Variants in CHD4 observed in about 807,000 individuals in gnomAD.
CHD4 encodes ATP-dependent chromatin remodeler CHD4.
A neutral mutation model predicts 235.5 loss-of-function variants in CHD4; 35 were observed. The ratio of observed to expected loss-of-function variants is 0.15; its 90% CI spans 0.11 to 0.20. CHD4 has a LOEUF of 0.20. Among genes scored for constraint, CHD4 ranks in the 10% least tolerant of loss-of-function variants. CHD4 has a pLI of 1.00. For synonymous variants in CHD4, 900 were observed against 850.2 expected (o/e 1.06, Z -1.02); for missense variants, 1,329 against 2,432.3 (o/e 0.55, Z 9.54).
chr12:6,582,237 GC>G lies in CHD4; in HGVS notation c.4414del (p.Ala1472GlnfsTer30). 1.2e-6 allele frequency: 2 copies of G among 1,600,278 alleles called. No individual in the cohort carries two copies. The highest frequency in any genetic ancestry group is 3.6e-5 in the Admixed American group (2 of 56,246). ...LFMRHLCEPG[A>X]DGAETFADGV... ...ATCAGCAAAGGTCTCAGCCCCATCTGCCCCCGGCTCACATAAATGCCGCATG... is the reference window on the plus strand; with the variant it reads ...ATCAGCAAAGGTCTCAGCCCCATCTGCCCCGGCTCACATAAATGCCGCATG... On this transcript the variant is annotated frameshift_variant, in exon 30 of 40. Transcript: ENST00000544040. LOFTEE classifies it high-confidence loss of function.
intron 32 of CHD4, 36 bp from the exon 33 acceptor site, chr12:6,581,209 A>G: frequency 6.2e-7 from 1 of 1,611,640 alleles, no homozygotes; most frequent in South Asian, 1.1e-5. Flanking sequence ...AAAACAGATG[A>G]AGCAGACAGG....
chr12:6,592,108 C>G (rs9630275), intron 19 of CHD4, 51 bp from the exon 20 acceptor site: 1 of 1,604,940 alleles, frequency 6.2e-7, no homozygotes, highest in Admixed American at 1.7e-5. Context: ...CTTTCAATGA[C>G]TAATAATGCA....
intron 2 of CHD4, among the ~76,000 whole-genome samples, chr12:6,605,940 C>T (rs1592286936): frequency 6.6e-6 from 1 of 152,214 alleles, no homozygotes; most frequent in Non-Finnish European, 1.5e-5. Flanking sequence ...ACCACCACCA[C>T]CACAAGCCTC....
At position 6,598,387 on chromosome 12, in the gene CHD4, G is replaced by A; in HGVS notation, c.1521C>T (p.Ile507=). 3 of 1,613,260 alleles carry A rather than the reference G, an allele frequency of 1.9e-6. No homozygotes were observed. Among genetic ancestry groups the A allele is most frequent in the Non-Finnish European group, 2.5e-6 (3 of 1,179,560 alleles). The change falls in exon 11 of 40, where the codon ATC becomes ATT. Residue 507 remains isoleucine (I), a synonymous_variant. Transcript: ENST00000544040. The part of the protein sequence containing the change: ...ALKGKVQKIL[I]WKWGQPPSPT... ...GAGATGGTGGCTGACCCCACTTCCA[G>A]ATTAGGATCTTCTGCACTTTGCCCT...
chr12:6,593,081 C>G lies in CHD4; in HGVS notation c.2652+10G>C, dbSNP rs1948429284. The G allele has an allele frequency of 6.2e-7, 1 of 1,613,404 alleles. No homozygotes were observed. The highest frequency in any genetic ancestry group is 8.5e-7 in the Non-Finnish European group (1 of 1,179,910). On this transcript the variant is annotated intron_variant, in intron 17 of 39. Coordinates refer to ENST00000544040, the MANE Select transcript of CHD4 (RefSeq NM_001273.5). The surrounding 1 kb of genome is among the most constrained non-coding windows in gnomAD (Gnocchi z 4.9). ...AGTGGGGGCTCCAACATCCCTCCCT[C>G]AGCCCTCACCTTAGACTGATTGTTC...
In CHD4 at chr12:6,588,267, CTTA is replaced by C. The variant is rs781416352; in HGVS notation, c.3465+28_3465+30del. On this transcript the variant is annotated intron_variant, in intron 23 of 39. Coordinates refer to ENST00000544040, the MANE Select transcript of CHD4 (RefSeq NM_001273.5). ...TATGCCTTTCTAGCATAACATGTTACTTATTAAGGCTGCCTGCTGCCTCTGCTC... is the reference window on the plus strand; with the variant it reads ...TATGCCTTTCTAGCATAACATGTTACTTAAGGCTGCCTGCTGCCTCTGCTC... 2.5e-6 allele frequency: 4 copies of C among 1,608,490 alleles called. No homozygotes were observed. The Admixed American group carries it at 6.7e-5, about 27-fold the overall frequency.
chr12:6,578,988 A>G, intron 33 of CHD4, 71 bp from the exon 34 acceptor site: 1 of 1,401,630 alleles, frequency 7.1e-7, no homozygotes, highest in Non-Finnish European at 1.0e-6. Flanking sequence ...ACTATTATCC[A>G]ATTGGATAGA....
At chr12:6,599,618 G>A (rs1255869472) in intron 10 of CHD4, among the ~76,000 whole-genome samples, 155 bp downstream of exon 10, 1 of 152,114 alleles carries the variant, frequency 6.6e-6, no homozygotes, top group Non-Finnish European at 1.5e-5. Flanking sequence ...TATTTTCCCA[G>A]GACAAAAGTA....
rs1948606032 is a variant in CHD4, at chr12:6,602,101, C to T, written c.297G>A (p.Val99=). The change falls in exon 4 of 40, where the codon GTG becomes GTA. Residue 99 remains valine (V), a synonymous_variant. Coordinates refer to ENST00000544040, the MANE Select transcript of CHD4 (RefSeq NM_001273.5). The part of the protein sequence containing the change: ...GPEFVEEEEE[V]ALRSDSEGSD... ...TGCCCTCACTGTCTGAGCGCAGAGC[C>T]ACCTCTTCCTCCTCCTCCACAAACT... 3 of 1,613,578 alleles carry T rather than the reference C, an allele frequency of 1.9e-6. No individual in the cohort carries two copies. The South Asian group carries it at 3.3e-5, about 18-fold the overall frequency.
intron 10 of CHD4, among the ~76,000 whole-genome samples, chr12:6,598,752 T>C (rs1948541544): frequency 6.6e-6 from 1 of 152,092 alleles, no homozygotes; most frequent in African/African-American, 2.4e-5. Flanking sequence ...GAGCTTGCAG[T>C]GAGCCAAGAT....
chr12:6,595,497 C>T, intron 13 of CHD4, 67 bp from the exon 14 acceptor site: 1 of 1,317,182 alleles, frequency 7.6e-7, no homozygotes, highest in South Asian at 1.2e-5. Flanking sequence ...CTTGGCCAGG[C>T]ACAGTGGCTC....
chr12:6,607,081 G>A (rs368852616), intron 1 of CHD4: 1 of 151,890 alleles, frequency 6.6e-6, no homozygotes, highest in Non-Finnish European at 1.5e-5. Flanking sequence ...CAAGCCGGAG[G>A]CGGGGGGTCG....
intron 22 of CHD4, among the ~76,000 whole-genome samples, chr12:6,591,060 T>C (rs909563462): frequency 1.4e-5 from 2 of 142,284 alleles, no homozygotes; most frequent in African/African-American, 2.6e-5. Context: ...GAGGCGGAGG[T>C]TGCAGTGAGC....
At chr12:6,596,637 T>C (rs1004349794) in intron 12 of CHD4, among the ~76,000 whole-genome samples, 2 of 151,856 alleles carry the variant, frequency 1.3e-5, no homozygotes, top group Non-Finnish European at 2.9e-5. Context: ...CCGTCTCTAC[T>C]AAAAATGCAA....
intron 12 of CHD4, among the ~76,000 whole-genome samples, chr12:6,596,728 C>A (rs1004251764): frequency 1.3e-5 from 2 of 151,380 alleles, no homozygotes; most frequent in Non-Finnish European, 2.9e-5. Context: ...TGAACCCGGG[C>A]GGCGGAGGTT....
chr12:6,601,335 G>A lies in CHD4; in HGVS notation c.753C>T (p.Pro251=), dbSNP rs1234359517. ...CCTTGCGGATAGGCACCTCCACAGG[G>A]GGAGGTGGTGGTGCAACCTCAGTGG... The part of the protein sequence containing the change: ...VTATEVAPPP[P]PVEVPIRKAK... Residue 251 remains proline (P), a synonymous_variant, in exon 6 of 40, where the codon CCC becomes CCT. Transcript: ENST00000544040. 1.9e-6 allele frequency: 3 copies of A among 1,613,994 alleles called. No individual in the cohort carries two copies. The highest frequency in any genetic ancestry group is 3.3e-5 in the Admixed American group (2 of 60,020).
rs543601543 is a variant in CHD4, at chr12:6,570,411, A to G, written c.*265T>C. On this transcript the variant is annotated 3_prime_UTR_variant, in exon 40 of 40. Transcript: ENST00000544040. The stretch of plus-strand genomic sequence containing the variant: ...ACAGTTTGTGTGTAACAGGCGTTAC[A>G]GTGGGGAGAAGCCAGGGTCCAGAAG... The G allele has an allele frequency of 5.5e-3, 2,937 of 530,090 alleles. 16 individuals are homozygous for G. The highest frequency in any genetic ancestry group is 8.1e-3 in the Non-Finnish European group (2,421 of 298,084). 32.8% of individuals were successfully genotyped at this position (530,090 alleles called of 1,614,324 possible). A position where few individuals can be genotyped will look rare whatever the true frequency, so the allele number is the denominator to read the frequency against.
chr12:6,577,378 C>T (rs1405174109), intron 37 of CHD4, among the ~76,000 whole-genome samples: 1 of 138,440 alleles, frequency 7.2e-6, no homozygotes, highest in Non-Finnish European at 1.5e-5. Context: ...GCAGAGGCTG[C>T]ATCACTGCAT....
chr12:6,589,179 A>C lies in CHD4; in HGVS notation c.3341-757T>G, dbSNP rs1948350101. ...AGAATAGCTTGAACCCGGGAGGCAG[A>C]AGTAAAAAAGAAAGAATGTCAGAAT... On this transcript the variant is annotated intron_variant, in intron 22 of 39. Coordinates refer to ENST00000544040, the MANE Select transcript of CHD4 (RefSeq NM_001273.5). Among the ~76,000 whole-genome samples the C allele has an allele frequency of 3.3e-5, 5 of 152,258 alleles. No individual in the cohort carries two copies. In the South Asian group the frequency reaches 6.2e-4, roughly 19 times the overall value.
Sources: allele counts gnomAD v4.1 joint callset (sites outside exome capture counted in the v4.1 genomes callset), GRCh38; gene constraint gnomAD v4.1.1; non-coding constraint Gnocchi (gnomAD v3.1); transcripts MANE v1.5; gene names NCBI Gene and HGNC (gene_info 2026-07-23, HGNC 2026-07-21).